The following DPP10 variants were observed in gnomAD, a reference collection of about 807,000 sequenced individuals.
The protein encoded by DPP10 is dipeptidyl peptidase like 10.
DPP10 carries 33 observed loss-of-function variants against 120.9 expected under a neutral mutation model. The observed-to-expected ratio is 0.27, with a 90% CI of 0.21 to 0.37. The LOEUF is 0.37. Ranked by LOEUF, DPP10 falls within the 10% of genes least tolerant of loss-of-function variation. The pLI, the probability that DPP10 is intolerant of heterozygous loss-of-function variation, is 1.00. For missense variants in DPP10, 816 were observed against 942.8 expected (o/e 0.87, Z 1.76); for synonymous variants, 337 against 326.1 (o/e 1.03, Z -0.36).
chr2:114,816,423 T>C lies in DPP10; in HGVS notation c.60+373585T>C, dbSNP rs181560147. Among the ~76,000 whole-genome samples the C allele has an allele frequency of 5.9e-3, 893 of 152,302 alleles. 10 individuals are homozygous for C. Among genetic ancestry groups the C allele is most frequent in the African/African-American group, 0.02 (848 of 41,560 alleles). On this transcript the variant is annotated intron_variant, in intron 1 of 25. Coordinates refer to ENST00000410059, the MANE Select transcript of DPP10 (RefSeq NM_020868.6). ...TACACAAATAGGTGATGGGCTAGAC[T>C]TGGTCCATGGGCCACCATCGTTTGC...
chr2:114,881,427 A>G (rs1691597505), intron 1 of DPP10, among the ~76,000 whole-genome samples: 1 of 150,606 alleles, frequency 6.6e-6, no homozygotes, highest in Admixed American at 6.6e-5. Context: ...CCTATCTATC[A>G]CCTATCTTTA....
chr2:115,688,036 G>GAGAGAGAGAGAGAGAGAAAA (rs2091103255), intron 5 of DPP10, among the ~76,000 whole-genome samples: 2 of 150,334 alleles, frequency 1.3e-5, no homozygotes, highest in African/African-American at 4.9e-5. Flanking sequence ...GAGAGAAAAA[G>GAGAGAGAGAGAGAGAGAAAA]AGAGAGAGAG....
intron 1 of DPP10, among the ~76,000 whole-genome samples, chr2:114,542,100 T>C (rs1039410273): frequency 6.9e-6 from 1 of 143,980 alleles, no homozygotes; most frequent in African/African-American, 2.6e-5. Context: ...AAGGCTGGAG[T>C]GCAGTGGCGC....
At chr2:115,492,531 A>G (rs2076178683) in intron 3 of DPP10, among the ~76,000 whole-genome samples, 1 of 152,106 alleles carries the variant, frequency 6.6e-6, no homozygotes, top group African/African-American at 2.4e-5. Context: ...AGATATATTT[A>G]TGAGCCTTAG....
chr2:115,772,212 C>A (rs1045894222), intron 13 of DPP10, among the ~76,000 whole-genome samples: 7 of 152,142 alleles, frequency 4.6e-5, no homozygotes, highest in Admixed American at 3.3e-4. Context: ...AAAAATAATT[C>A]TTTAGAAGAT....
At chr2:115,030,250 T>C (rs1023874748) in intron 1 of DPP10, among the ~76,000 whole-genome samples, 5 of 152,110 alleles carry the variant, frequency 3.3e-5, no homozygotes, top group African/African-American at 1.2e-4. Flanking sequence ...GTTTGATACA[T>C]TTTATTTGGT....
chr2:115,410,948 T>G (rs2068908844), intron 3 of DPP10, among the ~76,000 whole-genome samples: 1 of 152,202 alleles, frequency 6.6e-6, no homozygotes, highest in African/African-American at 2.4e-5. Context: ...TTTCACTTCT[T>G]TTTTAGTTAC....
At chr2:114,859,266 C>T (rs1359118474) in intron 1 of DPP10, among the ~76,000 whole-genome samples, 2 of 150,388 alleles carry the variant, frequency 1.3e-5, no homozygotes, top group East Asian at 2.0e-4. Context: ...ACTTGGGAGG[C>T]GGGAGGCAGG....
chr2:115,788,147 C>T (rs544419806), intron 17 of DPP10, among the ~76,000 whole-genome samples: 5 of 152,066 alleles, frequency 3.3e-5, no homozygotes, highest in African/African-American at 1.2e-4. Flanking sequence ...GATGAAAACA[C>T]ATCAGATTCC....
intron 3 of DPP10, among the ~76,000 whole-genome samples, chr2:115,487,073 T>C (rs554175733): frequency 1.1e-3 from 170 of 152,272 alleles, no homozygotes; most frequent in Non-Finnish European, 2.2e-3. Flanking sequence ...TTTGATTCAT[T>C]TTTTAAAACA....
intron 1 of DPP10, among the ~76,000 whole-genome samples, chr2:114,474,293 C>G (rs759162976): frequency 6.6e-6 from 1 of 152,160 alleles, no homozygotes; most frequent in Non-Finnish European, 1.5e-5. Context: ...TAATAAAATC[C>G]TATACTAATG....
At chr2:115,583,998 G>A (rs1461726374) in intron 5 of DPP10, among the ~76,000 whole-genome samples, 1 of 152,134 alleles carries the variant, frequency 6.6e-6, no homozygotes, top group Non-Finnish European at 1.5e-5. Flanking sequence ...TAATCTTGAG[G>A]TGAAGGTTCT....
intron 1 of DPP10, among the ~76,000 whole-genome samples, chr2:115,137,075 G>A (rs2050685649): frequency 6.6e-6 from 1 of 152,154 alleles, no homozygotes; most frequent in African/African-American, 2.4e-5. Context: ...TGAAAGCCAC[G>A]TGTGAGGGTG....
At chr2:115,381,110 A>G (rs947789196) in intron 3 of DPP10, among the ~76,000 whole-genome samples, 5 of 152,144 alleles carry the variant, frequency 3.3e-5, no homozygotes, top group African/African-American at 1.2e-4. Flanking sequence ...GCCTTGCTAA[A>G]TTGGGGAAAT....
At chr2:115,715,245 A>G (rs1237009264) in intron 7 of DPP10, among the ~76,000 whole-genome samples, 1 of 139,622 alleles carries the variant, frequency 7.2e-6, no homozygotes, top group African/African-American at 2.6e-5. Flanking sequence ...AGGCTGAGGC[A>G]GGAGAATCAC....
At chr2:115,468,215 A>T (rs2074453342) in intron 3 of DPP10, 4 of 499,374 alleles carry the variant, frequency 8.0e-6, no homozygotes, top group Non-Finnish European at 1.6e-5. Context: ...TCTGAAGAGG[A>T]CTCAGGAGAA....
intron 21 of DPP10, among the ~76,000 whole-genome samples, chr2:115,834,812 C>T (rs566639154): frequency 5.3e-5 from 8 of 152,242 alleles, no homozygotes; most frequent in African/African-American, 1.4e-4. Context: ...ACAAGCCGGG[C>T]GCGGTGGCTC....
At chr2:115,204,764 G>T (rs1373894962) in intron 1 of DPP10, among the ~76,000 whole-genome samples, 2 of 152,140 alleles carry the variant, frequency 1.3e-5, no homozygotes, top group African/African-American at 2.4e-5. Flanking sequence ...GAATACATGA[G>T]TGAGAAGACT....
intron 1 of DPP10, among the ~76,000 whole-genome samples, chr2:114,797,601 G>A (rs1574211985): frequency 6.6e-6 from 1 of 152,184 alleles, no homozygotes; most frequent in African/African-American, 2.4e-5. Flanking sequence ...TGAACAACTA[G>A]AGCAGCAAAA....
Sources: allele counts gnomAD v4.1 joint callset (sites outside exome capture counted in the v4.1 genomes callset), GRCh38; gene constraint gnomAD v4.1.1; transcripts MANE v1.5; gene names NCBI Gene and HGNC (gene_info 2026-07-23, HGNC 2026-07-21).